Variants in USP34 observed in about 807,000 individuals in gnomAD.
The protein encoded by USP34 is ubiquitin carboxyl-terminal hydrolase 34.
In USP34, 70 loss-of-function variants were observed where a neutral mutation model predicts 460.3. The ratio of observed to expected loss-of-function variants is 0.15; its 90% confidence interval spans 0.13 to 0.19. USP34 has a LOEUF of 0.19. Ranked by LOEUF, USP34 falls within the 10% of genes least tolerant of loss-of-function variation. The pLI is 1.00. For synonymous variants in USP34, 1,647 were observed against 1,405.3 expected, an observed-to-expected ratio of 1.17 and a Z score of -3.85; for missense variants, 3,985 against 4,236.2, an observed-to-expected ratio of 0.94 and a Z score of 1.65.
chr2:61,366,359 T>C lies in USP34; in HGVS notation c.1251+3962A>G, dbSNP rs200307159. Among the ~76,000 whole-genome samples, 13 of 152,018 alleles carry C rather than the reference T, an allele frequency of 8.6e-5. No individual in the cohort carries two copies. In the East Asian group the frequency reaches 1.7e-3, roughly 20 times the overall value. ...AGATTCTGGGCTCAGAATAAGAGAT[T>C]TGATGGACAGAAGGAAGACATGGAG... On this transcript the variant is annotated intron_variant, in intron 10 of 79. Coordinates refer to ENST00000398571, the MANE Select transcript of USP34 (RefSeq NM_014709.4).
At chr2:61,446,113 CA>C (rs35776849) in intron 1 of USP34, among the ~76,000 whole-genome samples, 2,684 of 87,162 alleles carry the variant, frequency 0.031, 26 homozygotes, top group African/African-American at 0.1. Flanking sequence ...GACTCTGTCT[CA>C]AAAAAAAAAA....
chr2:61,216,493 G>T (rs1394609794), intron 67 of USP34, among the ~76,000 whole-genome samples: 1 of 151,930 alleles, frequency 6.6e-6, no homozygotes, highest in Non-Finnish European at 1.5e-5. Flanking sequence ...CCAGCTACTC[G>T]GGAGGCTGAG....
At chr2:61,270,015 T>A (rs1460481020) in intron 41 of USP34, among the ~76,000 whole-genome samples, 3 of 152,218 alleles carry the variant, frequency 2.0e-5, no homozygotes, top group Non-Finnish European at 2.9e-5. Flanking sequence ...AATTTATTAC[T>A]CCAAGTGTAT....
intron 1 of USP34, among the ~76,000 whole-genome samples, chr2:61,447,543 A>G (rs560688259): frequency 1.9e-4 from 29 of 152,140 alleles, no homozygotes; most frequent in Non-Finnish European, 3.8e-4. Flanking sequence ...GTTTTATGAA[A>G]AAAGCAGCTA....
At chr2:61,447,294 A>G (rs1050464985) in intron 1 of USP34, among the ~76,000 whole-genome samples, 15 of 149,818 alleles carry the variant, frequency 1.0e-4, no homozygotes, top group Non-Finnish European at 2.2e-4. Context: ...CAGAAAACAT[A>G]TATAATTCCA....
chr2:61,218,071 C>T (rs753925808), intron 67 of USP34, among the ~76,000 whole-genome samples: 5 of 151,724 alleles, frequency 3.3e-5, no homozygotes, highest in Admixed American at 2.6e-4. Flanking sequence ...TTAAACAATG[C>T]CACTGCAATG....
At chr2:61,292,703 T>C (rs933042902) in intron 33 of USP34, among the ~76,000 whole-genome samples, 5 of 152,072 alleles carry the variant, frequency 3.3e-5, no homozygotes, top group Non-Finnish European at 7.4e-5. Context: ...AAGAAAATAC[T>C]TGAATTCAAT....
rs1409509637 is a variant in USP34, at chr2:61,188,946, G to A, written c.9997C>T (p.Leu3333Phe). Residue 3333 changes from leucine to phenylalanine, a missense_variant, in exon 79 of 80, where the codon CTC becomes TTC. By Grantham distance (22) the Leu-to-Phe change is conservative (BLOSUM62 0). Transcript: ENST00000398571. The stretch of plus-strand genomic sequence containing the variant: ...CTTTCTTTGGCTTCTTGCTCTTGGA[G>A]TGAGTTTCTCTGTTGCAGACAAGTC... ...CRTCLQQRNS[L>F]QEQEAKERKT... 9 of 1,614,066 alleles carry A rather than the reference G, an allele frequency of 5.6e-6. No individual in the cohort carries two copies. The highest frequency in any genetic ancestry group is 3.4e-6 in the Non-Finnish European group (4 of 1,180,036).
At chr2:61,409,267 C>A (rs1271964766) in intron 2 of USP34, among the ~76,000 whole-genome samples, 1 of 151,454 alleles carries the variant, frequency 6.6e-6, no homozygotes, top group East Asian at 2.0e-4. Context: ...AGAGGTCAGG[C>A]CGGGTGTGGT....
At chr2:61,215,627 G>C (rs1687374141) in intron 67 of USP34, among the ~76,000 whole-genome samples, 3 of 152,194 alleles carry the variant, frequency 2.0e-5, no homozygotes, top group African/African-American at 7.2e-5. Context: ...CAGTGCTCTG[G>C]AAAATCTGAA....
In USP34 at chr2:61,204,040, G is replaced by A. The variant is rs138746936; in HGVS notation, c.9384+216C>T. Among the ~76,000 whole-genome samples the A allele has an allele frequency of 4.5e-4, 69 of 152,012 alleles. 1 individual carries two copies. Among genetic ancestry groups the A allele is most frequent in the African/African-American group, 1.5e-3 (64 of 41,456 alleles). On this transcript the variant is annotated intron_variant, in intron 74 of 79. Coordinates refer to ENST00000398571, the MANE Select transcript of USP34 (RefSeq NM_014709.4). Reference sequence around the variant, plus strand: ...ACTTACTATTAAGGTAATTTTTGAGGGGGAAAAAAAACTTACTACTTGTGC... The same window carrying A: ...ACTTACTATTAAGGTAATTTTTGAGAGGGAAAAAAAACTTACTACTTGTGC...
intron 62 of USP34, among the ~76,000 whole-genome samples, chr2:61,226,308 C>G (rs1687724163): frequency 6.6e-6 from 1 of 152,202 alleles, no homozygotes; most frequent in Non-Finnish European, 1.5e-5. Flanking sequence ...TTTTGCCACT[C>G]TGCATATGCA....
intron 1 of USP34, among the ~76,000 whole-genome samples, chr2:61,441,444 G>A (rs777405967): frequency 2.6e-5 from 4 of 152,106 alleles, no homozygotes; most frequent in Admixed American, 6.6e-5. Flanking sequence ...GGTGGCTGCA[G>A]AGAGACTAGA....
At chr2:61,323,702 C>G (rs1690998204) in intron 21 of USP34, among the ~76,000 whole-genome samples, 1 of 152,024 alleles carries the variant, frequency 6.6e-6, no homozygotes, top group Non-Finnish European at 1.5e-5. Context: ...ATTGTAAATT[C>G]TCAGAGAATC....
At chr2:61,192,801 C>G in intron 76 of USP34, 100 bp downstream of exon 76, 2 of 875,246 alleles carry the variant, frequency 2.3e-6, no homozygotes, top group Non-Finnish European at 3.5e-6. Context: ...TCTAAAATGT[C>G]CCCACTTTTC....
chr2:61,300,924 A>T (rs1690199937), intron 29 of USP34, 27 bp downstream of exon 29: 1 of 1,516,462 alleles, frequency 6.6e-7, no homozygotes, highest in Non-Finnish European at 9.0e-7. Flanking sequence ...ACACAAAACA[A>T]GATTTGTGAA....
intron 2 of USP34, among the ~76,000 whole-genome samples, chr2:61,413,311 A>C (rs1694097476): frequency 6.6e-6 from 1 of 152,200 alleles, no homozygotes; most frequent in African/African-American, 2.4e-5. Context: ...GAATTGCCTG[A>C]ACCTGGAAGG....
At position 61,435,444 on chromosome 2, in the gene USP34, G is replaced by A. The variant is rs534105545; in HGVS notation, c.44-14611C>T. On this transcript the variant is annotated intron_variant, in intron 1 of 79. Coordinates refer to ENST00000398571, the MANE Select transcript of USP34 (RefSeq NM_014709.4). ...GCAAGGAGTGAATGGGATTAACAGA[G>A]TTAAAGTACTAAAAAAAAAACAAAA... 4.0e-5 allele frequency among the ~76,000 whole-genome samples: 6 copies of A among 150,134 alleles called. No homozygotes were observed. The South Asian group carries it at 1.3e-3, about 32-fold the overall frequency.
chr2:61,278,829 T>A (rs1251699538), intron 39 of USP34, among the ~76,000 whole-genome samples: 2 of 152,186 alleles, frequency 1.3e-5, no homozygotes, highest in Non-Finnish European at 2.9e-5. Context: ...AAGTTTTTTT[T>A]AATGACTTTA....
Sources: gnomAD v4.1 joint callset for allele counts (sites outside exome capture counted in the v4.1 genomes callset) on GRCh38, gnomAD v4.1.1 for gene constraint, MANE v1.5 for transcripts, NCBI Gene and HGNC (gene_info 2026-07-23, HGNC 2026-07-21) for gene names.